Variants in GTF2F2 observed in about 807,000 individuals in gnomAD.
GTF2F2 encodes ATP-dependent helicase GTF2F2.
GTF2F2 carries 23 observed loss-of-function variants against 42.2 expected under a neutral mutation model. The observed-to-expected ratio is 0.55, with a 90% CI of 0.39 to 0.77. The LOEUF (loss-of-function observed/expected upper bound fraction) is 0.77, where lower values mean the gene tolerates loss of function less well. Ranked by LOEUF, GTF2F2 falls within the 30% of genes least tolerant of loss-of-function variation. The probability of loss-of-function intolerance (pLI) is 0.00; values close to 1 mark genes in which losing one functional copy is unlikely to be tolerated. For missense variants in GTF2F2, 261 were observed against 287.2 expected, an observed-to-expected ratio of 0.91 and a Z score of 0.66; for synonymous variants, 105 against 100.8, an observed-to-expected ratio of 1.04 and a Z score of -0.25.
intron 7 of GTF2F2, among the ~76,000 whole-genome samples, chr13:45,280,632 A>G (rs1294820249): frequency 6.6e-6 from 1 of 152,244 alleles, no homozygotes; most frequent in Admixed American, 6.5e-5. Context: ...GGAAAAAAGA[A>G]TGACACCTTC....
chr13:45,149,701 CTCT>C, intron 2 of GTF2F2, 66 bp from the exon 3 acceptor site: 2 of 1,385,910 alleles, frequency 1.4e-6, no homozygotes, highest in Non-Finnish European at 1.9e-6. Flanking sequence ...TTTTTTTAAG[CTCT>C]TAACTCACAT....
chr13:45,183,435 C>T (rs1221738102), intron 4 of GTF2F2, among the ~76,000 whole-genome samples: 1 of 152,062 alleles, frequency 6.6e-6, no homozygotes, highest in Admixed American at 6.5e-5. Context: ...TTACTACTGT[C>T]ATATCTACCT....
intron 5 of GTF2F2, among the ~76,000 whole-genome samples, chr13:45,212,459 C>CTTTTCTTTTCTTTTCTTTTCT (rs55758635): frequency 1.4e-3 from 114 of 79,356 alleles, no homozygotes; most frequent in African/African-American, 3.4e-3. Context: ...TTCTTTCTTT[C>CTTTTCTTTTCTTTTCTTTTCT]TTTCTTTCTT....
intron 5 of GTF2F2, among the ~76,000 whole-genome samples, chr13:45,242,652 CT>C (rs1468138212): frequency 1.3e-5 from 2 of 152,030 alleles, no homozygotes; most frequent in African/African-American, 4.8e-5. Context: ...AGGGCTTTTG[CT>C]TAGACATGAA....
At chr13:45,197,341 T>C (rs1414575514) in intron 4 of GTF2F2, among the ~76,000 whole-genome samples, 1 of 137,112 alleles carries the variant, frequency 7.3e-6, no homozygotes, top group East Asian at 2.2e-4. Context: ...TACCAAAAAT[T>C]AAAAAAAAAA....
intron 2 of GTF2F2, among the ~76,000 whole-genome samples, chr13:45,142,322 A>G (rs994739963): frequency 4.6e-5 from 7 of 152,064 alleles, no homozygotes; most frequent in Non-Finnish European, 1.0e-4. Context: ...GCCTGCCACC[A>G]TGCCCAGCTA....
chr13:45,180,051 TTC>T (rs979149649), intron 4 of GTF2F2, among the ~76,000 whole-genome samples: 3 of 152,188 alleles, frequency 2.0e-5, no homozygotes, highest in Non-Finnish European at 2.9e-5. Context: ...AATCTATCAA[TTC>T]TCTGTTACGA....
At chr13:45,185,285 A>C (rs9534056) in intron 4 of GTF2F2, among the ~76,000 whole-genome samples, 26,161 of 152,156 alleles carry the variant, frequency 0.17, 2,611 homozygotes, top group Non-Finnish European at 0.22. Flanking sequence ...GACACAAAGA[A>C]AGAGCAGAGG....
At chr13:45,259,532 A>G (rs1222890171) in intron 6 of GTF2F2, among the ~76,000 whole-genome samples, 1 of 152,040 alleles carries the variant, frequency 6.6e-6, no homozygotes, top group Non-Finnish European at 1.5e-5. Flanking sequence ...TAATTCTAGT[A>G]TGCAGCCACT....
intron 1 of GTF2F2, chr13:45,124,206 C>G (rs571991959): frequency 4.4e-5 from 17 of 388,582 alleles, no homozygotes; most frequent in Admixed American, 4.0e-4. Flanking sequence ...CCTCAGCCTC[C>G]CGAGTAGCTG....
intron 5 of GTF2F2, among the ~76,000 whole-genome samples, chr13:45,243,395 G>A (rs190730531): frequency 8.5e-5 from 13 of 152,246 alleles, no homozygotes; most frequent in Admixed American, 2.6e-4. Context: ...CTGCAACTCC[G>A]AGAGATCTAG....
At chr13:45,224,924 A>G (rs574939011) in intron 5 of GTF2F2, among the ~76,000 whole-genome samples, 1 of 152,228 alleles carries the variant, frequency 6.6e-6, no homozygotes, top group Non-Finnish European at 1.5e-5. Context: ...TTTGTCAGGC[A>G]TTGTGCTAGG....
intron 5 of GTF2F2, among the ~76,000 whole-genome samples, chr13:45,250,276 A>C (rs990086404): frequency 6.6e-6 from 1 of 151,886 alleles, no homozygotes; most frequent in Non-Finnish European, 1.5e-5. Flanking sequence ...GCTGGTCTTG[A>C]ACTCCTGACC....
At chr13:45,274,436 C>T (rs1876937934) in intron 7 of GTF2F2, among the ~76,000 whole-genome samples, 1 of 149,056 alleles carries the variant, frequency 6.7e-6, no homozygotes, top group African/African-American at 2.5e-5. Context: ...AGGCAATTCT[C>T]CTGCCTCAGC....
At position 45,183,140 on chromosome 13, in the gene GTF2F2, T is replaced by C. The variant is rs889134710; in HGVS notation, c.305-24284T>C. ...CATAGTGGTTAAGAGCTTGGCACTT[T>C]GAAGGTTGCTTGGTTGCTGTGTGAC... is the stretch of plus-strand genomic sequence containing the variant. On this transcript the variant is annotated intron_variant, in intron 4 of 7. Transcript: ENST00000340473. Among the ~76,000 whole-genome samples the C allele has an allele frequency of 7.2e-5, 11 of 152,282 alleles. No individual in the cohort carries two copies. The Middle Eastern group carries it at 0.01, about 141-fold the overall frequency.
intron 4 of GTF2F2, among the ~76,000 whole-genome samples, chr13:45,176,338 T>A (rs1211560492): frequency 2.0e-5 from 3 of 152,230 alleles, no homozygotes; most frequent in Non-Finnish European, 4.4e-5. Flanking sequence ...AAATCTTAAC[T>A]GTTATGGTGA....
At chr13:45,123,592 T>C (rs895613218) in intron 1 of GTF2F2, among the ~76,000 whole-genome samples, 4 of 150,924 alleles carry the variant, frequency 2.7e-5, no homozygotes, top group Non-Finnish European at 5.9e-5. Flanking sequence ...TCACACCCCT[T>C]GTACTCCAGG....
intron 5 of GTF2F2, among the ~76,000 whole-genome samples, chr13:45,211,431 C>CTTAT (rs982746937): frequency 2.7e-5 from 4 of 146,310 alleles, no homozygotes; most frequent in East Asian, 4.0e-4. Context: ...TAAATATTTA[C>CTTAT]TTATTTATTT....
At chr13:45,161,431 A>G (rs1161395251) in intron 4 of GTF2F2, among the ~76,000 whole-genome samples, 6 of 152,130 alleles carry the variant, frequency 3.9e-5, no homozygotes, top group African/African-American at 1.4e-4. Context: ...TGAAGTGTTG[A>G]TCACTTTTTA....
Sources: gnomAD v4.1 joint callset for allele counts (sites outside exome capture counted in the v4.1 genomes callset) on GRCh38, gnomAD v4.1.1 for gene constraint, MANE v1.5 for transcripts, NCBI Gene and HGNC (gene_info 2026-07-23, HGNC 2026-07-21) for gene names.